The following PDZD2 variants were observed in gnomAD, a reference collection of about 807,000 sequenced individuals.
The protein encoded by PDZD2 is PDZ domain containing 2.
Under a neutral mutation model 220.7 loss-of-function variants are expected in PDZD2, and 90 were observed. The observed-to-expected ratio is 0.41, with a 90% CI of 0.34 to 0.49. The LOEUF (loss-of-function observed/expected upper bound fraction) is 0.49, where lower values mean the gene tolerates loss of function less well. PDZD2 is among the 20% of genes least tolerant of loss of function. The pLI is 0.28. For missense variants in PDZD2, 3,174 were observed against 3,608.5 expected (o/e 0.88, Z 3.08); for synonymous variants, 1,375 against 1,450.5 (o/e 0.95, Z 1.18).
At chr5:31,763,159 G>C (rs533881908) in intron 1 of PDZD2, among the ~76,000 whole-genome samples, 9 of 152,270 alleles carry the variant, frequency 5.9e-5, no homozygotes, top group African/African-American at 2.2e-4. Flanking sequence ...AAGCTGCAGG[G>C]CTCTGAGTCT....
At chr5:31,992,059 A>C (rs552241771) in intron 3 of PDZD2, among the ~76,000 whole-genome samples, 1 of 152,106 alleles carries the variant, frequency 6.6e-6, no homozygotes, top group South Asian at 2.1e-4. Context: ...ACAACAACAA[A>C]AAAAACTGCT....
In PDZD2 at chr5:31,736,935, C is replaced by A. The variant is rs1362593026; in HGVS notation, c.-360-61954C>A. Among the ~76,000 whole-genome samples, 13 of 148,460 alleles carry A rather than the reference C, an allele frequency of 8.8e-5. No individual in the cohort carries two copies. In the Admixed American group the frequency reaches 8.8e-4, roughly 10 times the overall value. On this transcript the variant is annotated intron_variant, in intron 1 of 24. Transcript: ENST00000438447. ...CCTTACTCCCATTTTCACCATGGGACGTGCTTGCTCCCACTTCGCCTTCCA... is the reference window on the plus strand; with the variant it reads ...CCTTACTCCCATTTTCACCATGGGAAGTGCTTGCTCCCACTTCGCCTTCCA...
intron 14 of PDZD2, among the ~76,000 whole-genome samples, chr5:32,069,207 A>G (rs945694139): frequency 6.6e-6 from 1 of 150,892 alleles, no homozygotes; most frequent in East Asian, 2.0e-4. Flanking sequence ...CGGAGGTTGC[A>G]GCGAGCCAAG....
At chr5:31,685,514 C>T (rs754405530) in intron 1 of PDZD2, among the ~76,000 whole-genome samples, 6 of 152,096 alleles carry the variant, frequency 3.9e-5, no homozygotes, top group African/African-American at 7.2e-5. Context: ...CACTACCCTT[C>T]GCATTTATTT....
chr5:31,818,586 T>A (rs1306118064), intron 2 of PDZD2, among the ~76,000 whole-genome samples: 1 of 152,146 alleles, frequency 6.6e-6, no homozygotes, highest in Non-Finnish European at 1.5e-5. Context: ...ACAGATGCAC[T>A]GGCACCTCTT....
intron 6 of PDZD2, among the ~76,000 whole-genome samples, chr5:32,033,391 T>C (rs1755270234): frequency 6.6e-6 from 1 of 152,188 alleles, no homozygotes; most frequent in Admixed American, 6.5e-5. Context: ...GAGTTACAAG[T>C]CGTCTAATAT....
At chr5:31,792,201 C>T (rs376900973) in intron 1 of PDZD2, among the ~76,000 whole-genome samples, 13 of 152,298 alleles carry the variant, frequency 8.5e-5, no homozygotes, top group East Asian at 5.8e-4. Context: ...GAGGCCCATC[C>T]GTGGCTGAGG....
intron 1 of PDZD2, among the ~76,000 whole-genome samples, chr5:31,735,100 C>T (rs1474553244): frequency 6.6e-6 from 1 of 152,150 alleles, no homozygotes; most frequent in Non-Finnish European, 1.5e-5. Context: ...GCGTTGAACC[C>T]TCCACTGCAT....
At position 31,982,133 on chromosome 5, in the gene PDZD2, C is replaced by T. The variant is rs969979453; in HGVS notation, c.477-1022C>T. ...GCCTTTTGTCCTGGTCCTTCTTTGT[C>T]TATGTGTTTTCCACATTGTCAGTGA... On this transcript the variant is annotated intron_variant, in intron 2 of 24. Transcript: ENST00000438447. Among the ~76,000 whole-genome samples, 29 of 152,312 alleles carry T rather than the reference C, an allele frequency of 1.9e-4. 1 individual carries two copies. The highest frequency in any genetic ancestry group is 3.4e-3 in the Middle Eastern group (1 of 294).
intron 2 of PDZD2, among the ~76,000 whole-genome samples, chr5:31,878,107 G>A (rs1313470284): frequency 2.0e-5 from 3 of 152,110 alleles, no homozygotes; most frequent in Non-Finnish European, 2.9e-5. Context: ...TATTTTTTGA[G>A]ACAAGGAGAA....
At chr5:32,043,650 G>A (rs1242432608) in intron 7 of PDZD2, among the ~76,000 whole-genome samples, 1 of 152,136 alleles carries the variant, frequency 6.6e-6, no homozygotes, top group African/African-American at 2.4e-5. Flanking sequence ...TTTTTGAGAT[G>A]GAATTTTGTT....
Position 31,983,574 on chromosome 5 carries a change from C to G in PDZD2, c.896C>G (p.Ala299Gly). The G allele has an allele frequency of 6.2e-7, 1 of 1,614,156 alleles. No homozygotes were observed. The highest frequency in any genetic ancestry group is 8.5e-7 in the Non-Finnish European group (1 of 1,179,980). ...GTEHRIPKTD[A>G]PLTTSNDKRR... ...GAGCATAGAATTCCAAAGACAGATG[C>G]TCCTCTGACCACAAGCAATGACAAA... is the stretch of plus-strand genomic sequence containing the variant. Residue 299 changes from alanine (A) to glycine (G), a missense_variant, in exon 3 of 25, where the codon GCT becomes GGT. This residue lies in a region of PDZD2 where 632 missense variants were observed against 708.1 expected (regional missense o/e 0.89). Transcript: ENST00000438447.
chr5:31,725,993 T>A (rs1161970187), intron 1 of PDZD2: 1 of 495,062 alleles, frequency 2.0e-6, no homozygotes, highest in East Asian at 3.6e-5. Flanking sequence ...TACTCCTGGG[T>A]CTTCCCTGCA....
chr5:31,682,250 T>C (rs945440070), intron 1 of PDZD2, among the ~76,000 whole-genome samples: 10 of 152,218 alleles, frequency 6.6e-5, no homozygotes, highest in Middle Eastern at 3.4e-3. Context: ...GGTCAGTGTT[T>C]GAATTGGACA....
intron 2 of PDZD2, among the ~76,000 whole-genome samples, chr5:31,921,023 A>G (rs55974446): frequency 0.13 from 19,292 of 152,212 alleles, 1,235 homozygotes; most frequent in African/African-American, 0.14. Context: ...ACTCAAGGAC[A>G]TCTTGGTCAT....
intron 3 of PDZD2, among the ~76,000 whole-genome samples, chr5:31,988,048 C>G (rs1184450337): frequency 6.6e-6 from 1 of 152,242 alleles, no homozygotes; most frequent in Non-Finnish European, 1.5e-5. Context: ...CAGTACTCCC[C>G]TACCCGGGAC....
intron 6 of PDZD2, among the ~76,000 whole-genome samples, chr5:32,030,479 C>T (rs1205731937): frequency 1.3e-5 from 2 of 152,236 alleles, no homozygotes; most frequent in South Asian, 4.1e-4. Context: ...TATCCTTCCC[C>T]TTTGGGAAAG....
chr5:31,644,738 T>C (rs1366640313), intron 1 of PDZD2, among the ~76,000 whole-genome samples: 1 of 152,160 alleles, frequency 6.6e-6, no homozygotes, highest in Non-Finnish European at 1.5e-5. Context: ...GCGTTCTGAG[T>C]GAATAATGAG....
intron 1 of PDZD2, among the ~76,000 whole-genome samples, chr5:31,759,861 G>C (rs2150185814): frequency 6.6e-6 from 1 of 151,936 alleles, no homozygotes; most frequent in East Asian, 1.9e-4. Flanking sequence ...CTCTTAATAG[G>C]GTGTGTTTGG....
Sources: allele counts gnomAD v4.1 joint callset (sites outside exome capture counted in the v4.1 genomes callset), GRCh38; gene constraint gnomAD v4.1.1; regional missense constraint gnomAD v4.1.1; transcripts MANE v1.5; gene names NCBI Gene and HGNC (gene_info 2026-07-23, HGNC 2026-07-21).